TMEM87B: variants seen among roughly 807,000 people sequenced by gnomAD.
TMEM87B encodes transmembrane protein 87B.
In TMEM87B, 83 loss-of-function variants were observed where a neutral mutation model predicts 80.3. The observed-to-expected ratio is 1.03, with a 90% CI of 0.87 to 1.24. The LOEUF is 1.24. TMEM87B is among the 50% of genes most tolerant of loss of function. The pLI, the probability that TMEM87B is intolerant of heterozygous loss-of-function variation, is 0.00. For synonymous variants in TMEM87B, 219 were observed against 230.5 expected (o/e 0.95, Z 0.45); for missense variants, 625 against 674.4 (o/e 0.93, Z 0.81).
Position 112,109,759 on chromosome 2 carries a change from CT to C in TMEM87B, c.1577+1939del, listed in dbSNP as rs35553826. On this transcript the variant is annotated intron_variant, in intron 17 of 18. Transcript: ENST00000283206. ...GGTCATTTTCCAGTGCCTTCAGCTA[CT>C]TTTTTTTTTTTTTTTTTTTGAGACG... Among the ~76,000 whole-genome samples, 195 of 84,972 alleles carry C rather than the reference CT, an allele frequency of 2.3e-3. 1 individual carries two copies. Among genetic ancestry groups the C allele is most frequent in the African/African-American group, 6.9e-3 (132 of 19,182 alleles). The allele number at this position is 84,972 out of a possible 152,430, so 55.7% of individuals were successfully genotyped here.
At chr2:112,105,927 T>A (rs1679752791) in intron 15 of TMEM87B, 75 bp from the exon 16 acceptor site, 5 of 1,058,322 alleles carry the variant, frequency 4.7e-6, no homozygotes, top group Non-Finnish European at 6.6e-6. Context: ...GTATTTTTTC[T>A]TATCAGATTA....
In TMEM87B at chr2:112,102,237, A is replaced by G. The variant is rs1215988246; in HGVS notation, c.1450+1542A>G. Reference sequence around the variant, plus strand: ...AAAATTATAGACCACTTATAGACCAATATATCATTAATGAGTGGGCATACA... The same window carrying G: ...AAAATTATAGACCACTTATAGACCAGTATATCATTAATGAGTGGGCATACA... On this transcript the variant is annotated intron_variant, in intron 15 of 18. Coordinates refer to ENST00000283206, the MANE Select transcript of TMEM87B (RefSeq NM_032824.3). Among the ~76,000 whole-genome samples the G allele has an allele frequency of 2.0e-5, 3 of 152,354 alleles. No individual in the cohort carries two copies. In the East Asian group the frequency reaches 5.8e-4, roughly 29 times the overall value.
chr2:112,072,728 T>C (rs1330087016), intron 4 of TMEM87B, among the ~76,000 whole-genome samples: 1 of 152,058 alleles, frequency 6.6e-6, no homozygotes, highest in Non-Finnish European at 1.5e-5. Flanking sequence ...TCTGGATTCA[T>C]TGGTCTTTTG....
intron 9 of TMEM87B, among the ~76,000 whole-genome samples, chr2:112,088,278 G>T (rs979445451): frequency 6.6e-6 from 1 of 152,210 alleles, no homozygotes; most frequent in African/African-American, 2.4e-5. Flanking sequence ...ATGAACATCA[G>T]ATACCAACAG....
chr2:112,094,712 G>A (rs887631665), intron 11 of TMEM87B, among the ~76,000 whole-genome samples: 9 of 152,254 alleles, frequency 5.9e-5, no homozygotes, highest in Non-Finnish European at 1.2e-4. Flanking sequence ...TATTTATAAT[G>A]AAAATGTTTC....
chr2:112,069,653 A>T (rs1678565285), intron 4 of TMEM87B, among the ~76,000 whole-genome samples: 1 of 152,196 alleles, frequency 6.6e-6, no homozygotes, highest in South Asian at 2.1e-4. Context: ...TTTATGACAG[A>T]ACGATTTATA....
At chr2:112,071,974 T>C (rs183973757) in intron 4 of TMEM87B, among the ~76,000 whole-genome samples, 13 of 152,292 alleles carry the variant, frequency 8.5e-5, no homozygotes, top group East Asian at 1.9e-4. Flanking sequence ...CCTAGTTTAT[T>C]AGAGTTTTTA....
chr2:112,067,501 AG>A (rs1471662527), intron 4 of TMEM87B, among the ~76,000 whole-genome samples: 1 of 152,118 alleles, frequency 6.6e-6, no homozygotes, highest in Non-Finnish European at 1.5e-5. Context: ...CGGGTGGCTG[AG>A]GCATGAGAAT....
chr2:112,066,896 T>G, intron 3 of TMEM87B, 40 bp from the exon 4 acceptor site: 1 of 1,500,820 alleles, frequency 6.7e-7, no homozygotes, highest in Non-Finnish European at 8.9e-7. Flanking sequence ...GGATAAGAAG[T>G]GTGGGAATAA....
Position 112,055,309 on chromosome 2 carries a change from T to G in TMEM87B, c.-283T>G. 2.1e-6 allele frequency: 1 copy of G among 467,986 alleles called. No homozygotes were observed. Among genetic ancestry groups the G allele is most frequent in the South Asian group, 3.2e-5 (1 of 31,374 alleles). 29.0% of individuals were successfully genotyped at this position (467,986 alleles called of 1,614,324 possible). A position where few individuals can be genotyped will look rare whatever the true frequency, so the allele number is the denominator to read the frequency against. On this transcript the variant is annotated 5_prime_UTR_variant, in exon 1 of 19. Coordinates refer to ENST00000283206, the MANE Select transcript of TMEM87B (RefSeq NM_032824.3). ...CTAGGCCCTGAGCCCAGCCTCCACGTCTCGCCGCCAACTCCACATCCTGGC... is the reference window on the plus strand; with the variant it reads ...CTAGGCCCTGAGCCCAGCCTCCACGGCTCGCCGCCAACTCCACATCCTGGC...
intron 4 of TMEM87B, among the ~76,000 whole-genome samples, chr2:112,073,029 A>AGCTGGGATT (rs1404979253): frequency 6.6e-6 from 1 of 150,830 alleles, no homozygotes; most frequent in Non-Finnish European, 1.5e-5. Flanking sequence ...CCTCCCGAGT[A>AGCTGGGATT]GCTGGGATTG....
chr2:112,093,660 A>G (rs745521096), intron 11 of TMEM87B, among the ~76,000 whole-genome samples: 43 of 152,220 alleles, frequency 2.8e-4, no homozygotes, highest in Admixed American at 2.5e-3. Context: ...AGTAATATAA[A>G]TATCTTCCTC....
intron 2 of TMEM87B, among the ~76,000 whole-genome samples, chr2:112,063,242 C>T (rs1678310934): frequency 6.6e-6 from 1 of 152,226 alleles, no homozygotes. Context: ...ATAAAAGATA[C>T]TGTGGCTGCA....
rs560211822 is a variant in TMEM87B at position 112,102,808 on chromosome 2, C to G, written c.1450+2113C>G. ...TAACAAAAGCCTCAGCAAACTAATT[C>G]TAAAATGGTATGAAAACACTCCACA... On this transcript the variant is annotated intron_variant, in intron 15 of 18. Coordinates refer to ENST00000283206, the MANE Select transcript of TMEM87B (RefSeq NM_032824.3). Among the ~76,000 whole-genome samples, 71 of 152,186 alleles carry G rather than the reference C, an allele frequency of 4.7e-4. 1 individual carries two copies. Among genetic ancestry groups the G allele is most frequent in the Admixed American group, 9.2e-4 (14 of 15,296 alleles).
chr2:112,086,038 C>T lies in TMEM87B; in HGVS notation c.872C>T (p.Ser291Phe), dbSNP rs781546793. 6.2e-7 allele frequency: 1 copy of T among 1,614,118 alleles called. No homozygotes were observed. The change falls in exon 9 of 19, where the codon TCT becomes TTT. Residue 291 changes from serine to phenylalanine, a missense_variant. Ser to Phe is a radical substitution (Grantham distance 155). Transcript: ENST00000283206. ...TTATTGATATTTGCGGAGTTGATTT[C>T]TGCGATTAAGAGGACGTTGGCTCGC... ...QGLLIFAELI[S>F]AIKRTLARLL...
intron 4 of TMEM87B, among the ~76,000 whole-genome samples, chr2:112,073,825 T>C (rs1328937046): frequency 6.6e-6 from 1 of 152,228 alleles, no homozygotes; most frequent in Non-Finnish European, 1.5e-5. Context: ...TCAGTTGAAT[T>C]GAACCCTTTA....
chr2:112,069,561 C>G (rs1025451260), intron 4 of TMEM87B, among the ~76,000 whole-genome samples: 3 of 152,198 alleles, frequency 2.0e-5, no homozygotes, highest in African/African-American at 7.2e-5. Flanking sequence ...TTTATCCAGT[C>G]TACCATTGAT....
At position 112,117,516 on chromosome 2, in the gene TMEM87B, C is replaced by T. The variant is rs1243166295; in HGVS notation, c.*1373C>T. The T allele has an allele frequency of 6.6e-6, 1 of 152,018 alleles. No individual in the cohort carries two copies. The highest frequency in any genetic ancestry group is 2.4e-5 in the African/African-American group (1 of 41,366). 9.4% of individuals were successfully genotyped at this position (152,018 alleles called of 1,614,324 possible). A position where few individuals can be genotyped will look rare whatever the true frequency, so the allele number is the denominator to read the frequency against. Reference sequence around the variant, plus strand: ...TTTCAGAGAGGGTAGTAAAGAAGATCTATTTCTGGTAGTCATATCGCTTGA... The same window carrying T: ...TTTCAGAGAGGGTAGTAAAGAAGATTTATTTCTGGTAGTCATATCGCTTGA... On this transcript the variant is annotated 3_prime_UTR_variant, in exon 19 of 19. Coordinates refer to ENST00000283206, the MANE Select transcript of TMEM87B (RefSeq NM_032824.3).
chr2:112,117,156 C>G lies in TMEM87B; in HGVS notation c.*1013C>G, dbSNP rs1342037151. 1 of 152,070 alleles carries G rather than the reference C, an allele frequency of 6.6e-6. No individual in the cohort carries two copies. Among genetic ancestry groups the G allele is most frequent in the Non-Finnish European group, 1.5e-5 (1 of 68,016 alleles). 9.4% of individuals were successfully genotyped at this position (152,070 alleles called of 1,614,324 possible). On this transcript the variant is annotated 3_prime_UTR_variant, in exon 19 of 19. Transcript: ENST00000283206. Reference sequence around the variant, plus strand: ...GTAATGTGTAATATGAAATCTTTTGCTTTAATGTCTTTTTTTAAAATGTAG... The same window carrying G: ...GTAATGTGTAATATGAAATCTTTTGGTTTAATGTCTTTTTTTAAAATGTAG...
Sources: allele counts gnomAD v4.1 joint callset (sites outside exome capture counted in the v4.1 genomes callset), GRCh38; gene constraint gnomAD v4.1.1; transcripts MANE v1.5; gene names NCBI Gene and HGNC (gene_info 2026-07-23, HGNC 2026-07-21).